NKAIN2: variants seen among roughly 807,000 people sequenced by gnomAD.
NKAIN2 encodes sodium/potassium transporting ATPase interacting 2.
In NKAIN2, 14 loss-of-function variants were observed where a neutral mutation model predicts 32.6. The ratio of observed to expected loss-of-function variants is 0.43; its 90% CI spans 0.28 to 0.67. NKAIN2 has a LOEUF of 0.67. Ranked by LOEUF, NKAIN2 falls within the 30% of genes least tolerant of loss-of-function variation. The probability of loss-of-function intolerance (pLI) is 0.17; values close to 1 mark genes in which losing one functional copy is unlikely to be tolerated. For synonymous variants in NKAIN2, 80 were observed against 87.2 expected (o/e 0.92, Z 0.46); for missense variants, 198 against 258.3 (o/e 0.77, Z 1.60).
intron 3 of NKAIN2, among the ~76,000 whole-genome samples, chr6:124,564,911 A>G (rs6923306): frequency 0.12 from 18,528 of 151,954 alleles, 1,499 homozygotes; most frequent in African/African-American, 0.23. Flanking sequence ...AAATATTTCC[A>G]CTCCAGTTAC....
chr6:124,637,205 A>G lies in NKAIN2; in HGVS notation c.274-20981A>G, dbSNP rs557741119. Among the ~76,000 whole-genome samples, 7 of 152,216 alleles carry G rather than the reference A, an allele frequency of 4.6e-5. No individual in the cohort carries two copies. The South Asian group carries it at 1.4e-3, about 32-fold the overall frequency. On this transcript the variant is annotated intron_variant, in intron 3 of 6. Transcript: ENST00000368417. ...ATTCAGCATAGCTTAATGATAAAAC[A>G]ACTTTCAACAAATTAGGTATAAAAG... is the stretch of plus-strand genomic sequence containing the variant.
intron 4 of NKAIN2, among the ~76,000 whole-genome samples, chr6:124,761,938 T>C (rs777931221): frequency 6.6e-5 from 10 of 152,180 alleles, no homozygotes; most frequent in Non-Finnish European, 1.3e-4. Flanking sequence ...TCAATTTCAG[T>C]GTCCTTTATC....
intron 2 of NKAIN2, among the ~76,000 whole-genome samples, chr6:124,323,421 T>G (rs2115030388): frequency 6.6e-6 from 1 of 152,306 alleles, no homozygotes; most frequent in South Asian, 2.1e-4. Context: ...TTAAAGTTGG[T>G]TTAGCTGTTT....
chr6:124,480,627 A>T (rs552219943), intron 3 of NKAIN2, among the ~76,000 whole-genome samples: 2 of 151,332 alleles, frequency 1.3e-5, no homozygotes, highest in South Asian at 4.2e-4. Flanking sequence ...TACCATTATC[A>T]GTTTGTTTTT....
intron 1 of NKAIN2, among the ~76,000 whole-genome samples, chr6:123,869,342 A>G (rs1259235527): frequency 6.6e-6 from 1 of 152,148 alleles, no homozygotes; most frequent in Non-Finnish European, 1.5e-5. Flanking sequence ...AAACCAGAAG[A>G]GATTATAGAT....
intron 1 of NKAIN2, among the ~76,000 whole-genome samples, chr6:124,066,361 G>A (rs1210853503): frequency 6.6e-6 from 1 of 152,082 alleles, no homozygotes; most frequent in African/African-American, 2.4e-5. Context: ...TCTGCCATTT[G>A]TTGTGTCTCT....
At chr6:123,955,394 G>GT (rs1777524973) in intron 1 of NKAIN2, among the ~76,000 whole-genome samples, 2 of 151,702 alleles carry the variant, frequency 1.3e-5, no homozygotes, top group African/African-American at 4.8e-5. Flanking sequence ...TTAGTATATA[G>GT]TCACTCTAAT....
intron 3 of NKAIN2, among the ~76,000 whole-genome samples, chr6:124,565,975 A>G (rs1264849772): frequency 6.6e-6 from 1 of 152,230 alleles, no homozygotes; most frequent in Non-Finnish European, 1.5e-5. Context: ...GCTAAGCAGT[A>G]GGGCTTATAG....
intron 1 of NKAIN2, among the ~76,000 whole-genome samples, chr6:124,146,506 A>C (rs549274302): frequency 1.1e-4 from 16 of 152,308 alleles, no homozygotes; most frequent in African/African-American, 3.8e-4. Context: ...TGCCTACCAG[A>C]AGACACAGCA....
chr6:124,413,305 C>A (rs62436317), intron 3 of NKAIN2, among the ~76,000 whole-genome samples: 6,790 of 152,194 alleles, frequency 0.045, 255 homozygotes, highest in Non-Finnish European at 0.065. Context: ...TTTAAGTATG[C>A]AGATTTTCAA....
intron 3 of NKAIN2, among the ~76,000 whole-genome samples, chr6:124,648,579 C>T (rs186619991): frequency 2.3e-3 from 345 of 152,032 alleles, no homozygotes; most frequent in Middle Eastern, 0.017. Context: ...TGGGTGGAGG[C>T]CTACATTAAA....
At chr6:124,110,935 AT>A (rs759009191) in intron 1 of NKAIN2, among the ~76,000 whole-genome samples, 12 of 151,994 alleles carry the variant, frequency 7.9e-5, no homozygotes, top group Non-Finnish European at 1.6e-4. Context: ...TCTATTTCAT[AT>A]TTTAAATATT....
intron 2 of NKAIN2, among the ~76,000 whole-genome samples, chr6:124,354,425 A>G (rs979207372): frequency 1.3e-5 from 2 of 152,222 alleles, no homozygotes; most frequent in African/African-American, 4.8e-5. Context: ...TCATTATAGA[A>G]GGTACACTAG....
chr6:124,150,161 C>A (rs1035991036), intron 1 of NKAIN2, among the ~76,000 whole-genome samples: 38 of 152,086 alleles, frequency 2.5e-4, no homozygotes, highest in Non-Finnish European at 2.9e-5. Flanking sequence ...GGTTTGCATC[C>A]TTTCCCTATA....
intron 3 of NKAIN2, among the ~76,000 whole-genome samples, chr6:124,369,879 A>ATTTTTTTTTTTTTT (rs1184010591): frequency 6.4e-5 from 1 of 15,694 alleles, no homozygotes; most frequent in Non-Finnish European, 1.0e-4. Flanking sequence ...GCAGAATGTC[A>ATTTTTTTTTTTTTT]ATTTTTTTTT....
At chr6:124,089,156 C>T (rs1433290696) in intron 1 of NKAIN2, among the ~76,000 whole-genome samples, 2 of 151,852 alleles carry the variant, frequency 1.3e-5, no homozygotes, top group African/African-American at 4.8e-5. Flanking sequence ...GAGTATATTC[C>T]GTATATAACA....
chr6:124,360,444 T>C (rs564269544), intron 3 of NKAIN2, among the ~76,000 whole-genome samples: 1 of 152,180 alleles, frequency 6.6e-6, no homozygotes, highest in Non-Finnish European at 1.5e-5. Flanking sequence ...TTAATTTCAA[T>C]AATATGATAC....
chr6:124,049,866 G>A (rs1376406748), intron 1 of NKAIN2, among the ~76,000 whole-genome samples: 1 of 151,966 alleles, frequency 6.6e-6, no homozygotes. Flanking sequence ...GCCCCAGAGT[G>A]CAAGAGTAGT....
In NKAIN2 at chr6:124,235,209, A is replaced by T. The variant is rs1380372848; in HGVS notation, c.55-47796A>T. Reference sequence around the variant, plus strand: ...TTCATCTATCTTCACTTTTTGGAAAAAGTACATTTGTTTATTCCATATGAA... The same window carrying T: ...TTCATCTATCTTCACTTTTTGGAAATAGTACATTTGTTTATTCCATATGAA... On this transcript the variant is annotated intron_variant, in intron 1 of 6. Coordinates refer to ENST00000368417, the MANE Select transcript of NKAIN2 (RefSeq NM_001040214.3). Among the ~76,000 whole-genome samples the T allele has an allele frequency of 4.6e-5, 7 of 152,154 alleles. No homozygotes were observed. The East Asian group carries it at 1.3e-3, about 29-fold the overall frequency.
Sources: gnomAD v4.1 joint callset for allele counts (sites outside exome capture counted in the v4.1 genomes callset) on GRCh38, gnomAD v4.1.1 for gene constraint, MANE v1.5 for transcripts, NCBI Gene and HGNC (gene_info 2026-07-23, HGNC 2026-07-21) for gene names.